The following DAB1 variants were observed in gnomAD, a reference collection of about 807,000 sequenced individuals.
DAB1 encodes DAB adaptor protein 1, also known as disabled homolog 1.
In DAB1, 15 loss-of-function variants were observed where a neutral mutation model predicts 64.6. That is an observed-to-expected ratio of 0.23 (90% confidence interval 0.16 to 0.36). DAB1 has a LOEUF of 0.36. Ranked by LOEUF, DAB1 falls within the 10% of genes least tolerant of loss-of-function variation. The pLI is 1.00. For synonymous variants in DAB1, 235 were observed against 251.9 expected (o/e 0.93, Z 0.64); for missense variants, 596 against 706.7 (o/e 0.84, Z 1.78).
intron 9 of DAB1, among the ~76,000 whole-genome samples, chr1:57,051,292 T>G (rs1458469595): frequency 1.3e-5 from 2 of 152,224 alleles, no homozygotes; most frequent in African/African-American, 4.8e-5. Context: ...ATTATGATTT[T>G]TCTACAATGT....
At chr1:57,647,799 T>C (rs901778963) in intron 7 of DAB1, among the ~76,000 whole-genome samples, 1 of 152,216 alleles carries the variant, frequency 6.6e-6, no homozygotes, top group African/African-American at 2.4e-5. Flanking sequence ...CAACAGAGGC[T>C]GAAAGGACTA....
At chr1:58,531,716 CT>C (rs11303484) in intron 1 of DAB1, among the ~76,000 whole-genome samples, 124,604 of 147,252 alleles carry the variant, frequency 0.85, 52,897 homozygotes, top group East Asian at 1. Context: ...ATGGATTTAT[CT>C]TTTTTTTTTT....
chr1:57,236,760 G>A (rs1005810462), intron 2 of DAB1, among the ~76,000 whole-genome samples: 4 of 152,182 alleles, frequency 2.6e-5, no homozygotes, highest in African/African-American at 9.6e-5. Context: ...TGCCATGGTA[G>A]AGCAAGTCAA....
intron 3 of DAB1, among the ~76,000 whole-genome samples, chr1:58,500,992 T>A (rs1422122420): frequency 6.6e-6 from 1 of 152,218 alleles, no homozygotes; most frequent in Non-Finnish European, 1.5e-5. Flanking sequence ...AAAACTGTCA[T>A]ACTATTAAAC....
chr1:58,227,841 G>A (rs1001315341), intron 4 of DAB1, among the ~76,000 whole-genome samples: 2 of 152,118 alleles, frequency 1.3e-5, no homozygotes, highest in Admixed American at 1.3e-4. Context: ...ATAATGCTTG[G>A]ATGGCCTGAC....
chr1:57,823,730 G>T (rs1172420815), downstream of DAB1, among the ~76,000 whole-genome samples: 1 of 152,128 alleles, frequency 6.6e-6, no homozygotes, highest in East Asian at 1.9e-4. Flanking sequence ...TGAAGGGAGG[G>T]TAACTGCCAT....
At position 57,502,814 on chromosome 1, in the gene DAB1, A is replaced by G. The variant is rs372546990; in HGVS notation, n.625+146778T>C. On this transcript the variant is annotated intron_variant and non_coding_transcript_variant, in intron 7 of 20. Transcript: ENST00000485760. ...TCTGTGCTGAAGTTTCTTGCTGTGA[A>G]GGAATGCTGAAATTTACCCTTAAAA... 5.3e-5 allele frequency among the ~76,000 whole-genome samples: 8 copies of G among 152,310 alleles called. No individual in the cohort carries two copies. In the East Asian group the frequency reaches 1.4e-3, roughly 26 times the overall value.
At chr1:57,349,617 G>A (rs1678411205) in intron 1 of DAB1, among the ~76,000 whole-genome samples, 1 of 152,114 alleles carries the variant, frequency 6.6e-6, no homozygotes, top group Non-Finnish European at 1.5e-5. Context: ...GCTATTGAAT[G>A]ACATTTTTCA....
Position 58,127,048 on chromosome 1 carries a change from T to C in DAB1, n.387+23463A>G, listed in dbSNP as rs868172480. On this transcript the variant is annotated intron_variant and non_coding_transcript_variant, in intron 5 of 20. Transcript: ENST00000485760. ...GGAATCGCCACACTGACTTCCACAA[T>C]GGTTGAACTAGTTTACAGTCCCACC... Among the ~76,000 whole-genome samples, 472 of 150,890 alleles carry C rather than the reference T, an allele frequency of 3.1e-3. 3 individuals are homozygous for C. The highest frequency in any genetic ancestry group is 0.011 in the African/African-American group (455 of 40,922).
intron 1 of DAB1, among the ~76,000 whole-genome samples, chr1:57,836,568 T>A (rs1039865028): frequency 6.6e-6 from 1 of 152,212 alleles, no homozygotes; most frequent in Non-Finnish European, 1.5e-5. Flanking sequence ...TCATTCAGAA[T>A]CCATTTTCAT....
At chr1:57,062,106 CG>C (rs765429643) in intron 9 of DAB1, among the ~76,000 whole-genome samples, 5 of 152,116 alleles carry the variant, frequency 3.3e-5, no homozygotes, top group Non-Finnish European at 7.4e-5. Flanking sequence ...ATATGAGTTC[CG>C]GGCACTTCAG....
rs532944495 is a variant in DAB1 at position 58,386,459 on chromosome 1, T to C, written n.258-43056A>G. Reference sequence around the variant, plus strand: ...TAAGATGTGCAAGGACTAGGGGTTATTGGGTTCTCATGACAACCTTATGTG... The same window carrying C: ...TAAGATGTGCAAGGACTAGGGGTTACTGGGTTCTCATGACAACCTTATGTG... On this transcript the variant is annotated intron_variant and non_coding_transcript_variant, in intron 3 of 20. Coordinates refer to the DAB1 transcript ENST00000485760. 5.3e-5 allele frequency among the ~76,000 whole-genome samples: 8 copies of C among 152,296 alleles called. No homozygotes were observed. The East Asian group carries it at 1.3e-3, about 26-fold the overall frequency.
chr1:58,433,194 T>C (rs1644898716), intron 3 of DAB1, among the ~76,000 whole-genome samples: 1 of 152,150 alleles, frequency 6.6e-6, no homozygotes, highest in East Asian at 1.9e-4. Context: ...ATTTGGTGGG[T>C]ACTTTACACA....
At chr1:58,097,919 C>G (rs952537472) in intron 5 of DAB1, among the ~76,000 whole-genome samples, 1 of 152,192 alleles carries the variant, frequency 6.6e-6, no homozygotes, top group African/African-American at 2.4e-5. Flanking sequence ...AAGACCCTAG[C>G]TGTCTTTCCT....
At chr1:57,045,802 A>G (rs1648403915) in intron 9 of DAB1, among the ~76,000 whole-genome samples, 1 of 152,240 alleles carries the variant, frequency 6.6e-6, no homozygotes, top group East Asian at 1.9e-4. Context: ...AGATAAGGAC[A>G]GCAATACTGC....
intron 1 of DAB1, among the ~76,000 whole-genome samples, chr1:57,848,741 C>A (rs1653395717): frequency 6.6e-6 from 1 of 152,166 alleles, no homozygotes; most frequent in Non-Finnish European, 1.5e-5. Context: ...TGAACTGCCC[C>A]AAATCCAGGT....
chr1:57,290,931 T>A, intron 2 of DAB1, 33 bp downstream of exon 2: 3 of 1,462,812 alleles, frequency 2.1e-6, no homozygotes, highest in Non-Finnish European at 2.9e-6. Flanking sequence ...TGCAGAAAAG[T>A]AGCCATTAAA....
At chr1:57,074,643 C>A (rs778224473) in intron 4 of DAB1, among the ~76,000 whole-genome samples, 1 of 152,204 alleles carries the variant, frequency 6.6e-6, no homozygotes, top group South Asian at 2.1e-4. Context: ...ACTAACCTCT[C>A]TGACTACTCT....
intron 1 of DAB1, among the ~76,000 whole-genome samples, chr1:57,310,334 A>G (rs1462738301): frequency 1.3e-5 from 2 of 152,220 alleles, no homozygotes; most frequent in African/African-American, 4.8e-5. Flanking sequence ...TTTGAGGCAG[A>G]GGGAACAGCA....
Sources: allele counts gnomAD v4.1 joint callset (sites outside exome capture counted in the v4.1 genomes callset), GRCh38; gene constraint gnomAD v4.1.1; transcripts MANE v1.5; gene names NCBI Gene and HGNC (gene_info 2026-07-23, HGNC 2026-07-21).